The following IER2 variants were observed in gnomAD, a reference collection of about 807,000 sequenced individuals.
IER2 encodes the protein immediate early response gene 2 protein.
For missense variants in IER2, 372 were observed against 325.4 expected (o/e 1.14, Z -1.10); for synonymous variants, 198 against 149.6 (o/e 1.32, Z -2.36).
chr19:13,152,323 G>C (rs1384680420), intron 1 of IER2: 1 of 152,280 alleles, frequency 6.6e-6, no homozygotes, highest in African/African-American at 2.4e-5. Context: ...CGGGGGAATG[G>C]CTTGGTACGA....
At position 13,153,553 on chromosome 19, in the gene IER2, C is replaced by CGCA; in HGVS notation, c.376_378dup (p.Ser126dup). The CGCA allele has an allele frequency of 1.3e-6, 2 of 1,593,574 alleles. No individual in the cohort carries two copies. The highest frequency in any genetic ancestry group is 1.1e-5 in the South Asian group (1 of 88,854). On this transcript the variant is annotated inframe_insertion, in exon 2 of 2. Transcript: ENST00000292433. ...CCCCGCCAAAGTCAGCCGCAAACGA[C>CGCA]GCAGCAGCAGCCTGAGCGACGGCGG...
Position 13,153,787 on chromosome 19 carries a change from G to A in IER2, c.601G>A (p.Glu201Lys). The part of the protein sequence containing the change: ...AAPPTAPPAC[E>K]AKPACRPADS... ...CCCTCCGACGGCGCCGCCCGCGTGCGAGGCAAAGCCCGCTTGCCGCCCGGC... is the reference window on the plus strand; with the variant it reads ...CCCTCCGACGGCGCCGCCCGCGTGCAAGGCAAAGCCCGCTTGCCGCCCGGC... The change falls in exon 2 of 2, where the codon GAG becomes AAG. Residue 201 changes from glutamate (E) to lysine (K), a missense_variant. Transcript: ENST00000292433. 6.5e-7 allele frequency: 1 copy of A among 1,541,032 alleles called. No individual in the cohort carries two copies. The highest frequency in any genetic ancestry group is 1.4e-5 in the African/African-American group (1 of 71,698).
chr19:13,153,167 G>A lies in IER2; in HGVS notation c.-20G>A, dbSNP rs1249102988. On this transcript the variant is annotated 5_prime_UTR_variant, in exon 2 of 2. Coordinates refer to ENST00000292433, the MANE Select transcript of IER2 (RefSeq NM_004907.3). ...TCTGTCCCTCCCGGGAGCCCCCGCC[G>A]CTGTCGCCGTCGAGTCGCCATGGAA... is the stretch of plus-strand genomic sequence containing the variant. 4.0e-6 allele frequency: 6 copies of A among 1,490,270 alleles called. No homozygotes were observed. Among genetic ancestry groups the A allele is most frequent in the Non-Finnish European group, 5.4e-6 (6 of 1,120,720 alleles). The allele number at this position is 1,490,270 out of a possible 1,614,324, so 92.3% of individuals were successfully genotyped here.
At position 13,153,159 on chromosome 19, in the gene IER2, C is replaced by A; in HGVS notation, c.-28C>A. The A allele has an allele frequency of 2.0e-6, 3 of 1,481,194 alleles. No individual in the cohort carries two copies. Among genetic ancestry groups the A allele is most frequent in the Non-Finnish European group, 2.7e-6 (3 of 1,114,852 alleles). 91.8% of individuals were successfully genotyped at this position (1,481,194 alleles called of 1,614,324 possible). A position where few individuals can be genotyped will look rare whatever the true frequency, so the allele number is the denominator to read the frequency against. On this transcript the variant is annotated 5_prime_UTR_variant, in exon 2 of 2. Coordinates refer to ENST00000292433, the MANE Select transcript of IER2 (RefSeq NM_004907.3). Reference sequence around the variant, plus strand: ...CTGCCTGTTCTGTCCCTCCCGGGAGCCCCCGCCGCTGTCGCCGTCGAGTCG... The same window carrying A: ...CTGCCTGTTCTGTCCCTCCCGGGAGACCCCGCCGCTGTCGCCGTCGAGTCG...
chr19:13,154,270 G>A lies in IER2; in HGVS notation c.*412G>A, dbSNP rs1177640101. 1 of 189,008 alleles carries A rather than the reference G, an allele frequency of 5.3e-6. No homozygotes were observed. Among genetic ancestry groups the A allele is most frequent in the East Asian group, 1.5e-4 (1 of 6,570 alleles). 11.7% of individuals were successfully genotyped at this position (189,008 alleles called of 1,614,324 possible). On this transcript the variant is annotated 3_prime_UTR_variant, in exon 2 of 2. Coordinates refer to ENST00000292433, the MANE Select transcript of IER2 (RefSeq NM_004907.3). Reference sequence around the variant, plus strand: ...TTCATTTTGTACTGTGGGCTGTGCTGGCCCTTTCAAGGTTTTTCAAGAGTT... The same window carrying A: ...TTCATTTTGTACTGTGGGCTGTGCTAGCCCTTTCAAGGTTTTTCAAGAGTT...
intron 1 of IER2, chr19:13,152,229 T>C (rs1240169942): frequency 6.6e-6 from 1 of 152,178 alleles, no homozygotes; most frequent in East Asian, 1.9e-4. Flanking sequence ...GGCAGCCACG[T>C]GTTCACGGGG....
chr19:13,151,735 T>G (rs1182354671), intron 1 of IER2, among the ~76,000 whole-genome samples: 2 of 152,098 alleles, frequency 1.3e-5, no homozygotes, highest in South Asian at 2.1e-4. Context: ...GGCTCCAGCC[T>G]GCTCCGGCTG....
Position 13,153,685 on chromosome 19 carries a change from G to A in IER2, c.499G>A (p.Ala167Thr), listed in dbSNP as rs1188514493. Residue 167 changes from alanine to threonine, a missense_variant, in exon 2 of 2, where the codon GCG (alanine) becomes ACG (threonine). Ala to Thr is a moderately conservative substitution (Grantham distance 58). Coordinates refer to ENST00000292433, the MANE Select transcript of IER2 (RefSeq NM_004907.3). ...ADRLQPPPAQ[A>T]EGAFPNLARV... ...TCGCCTGCAGCCCCCTCCGGCGCAA[G>A]CGGAGGGCGCCTTTCCCAACCTGGC... 1 of 1,612,072 alleles carries A rather than the reference G, an allele frequency of 6.2e-7. No homozygotes were observed. The highest frequency in any genetic ancestry group is 8.5e-7 in the Non-Finnish European group (1 of 1,179,760).
chr19:13,153,594 C>G lies in IER2; in HGVS notation c.408C>G (p.Val136=), dbSNP rs889296237. Residue 136 remains valine (V), a synonymous_variant, in exon 2 of 2, where the codon GTC becomes GTG. Coordinates refer to ENST00000292433, the MANE Select transcript of IER2 (RefSeq NM_004907.3). The stretch of plus-strand genomic sequence containing the variant: ...GCGACGGCGGGGACGCTGGACTGGT[C>G]CCGAGCAAGAAAGCCCGTCTGGAAG... The part of the protein sequence containing the change: ...SLSDGGDAGL[V]PSKKARLEEK... 7.5e-6 allele frequency: 12 copies of G among 1,607,356 alleles called. No individual in the cohort carries two copies. Among genetic ancestry groups the G allele is most frequent in the Non-Finnish European group, 1.0e-5 (12 of 1,177,232 alleles).
At position 13,153,371 on chromosome 19, in the gene IER2, C is replaced by A; in HGVS notation, c.185C>A (p.Pro62Gln). 1 of 1,589,810 alleles carries A rather than the reference C, an allele frequency of 6.3e-7. No individual in the cohort carries two copies. The highest frequency in any genetic ancestry group is 8.5e-7 in the Non-Finnish European group (1 of 1,169,964). Reference protein sequence around the residue: ...VEALEPEVSLPAALPSDPRLH... With the variant: ...VEALEPEVSLQAALPSDPRLH... ...GCCCTCGAGCCCGAGGTGTCGTTGC[C>A]GGCCGCCCTCCCCTCTGACCCTCGC... Residue 62 changes from proline (P) to glutamine (Q), a missense_variant, in exon 2 of 2, where the codon CCG becomes CAG. By Grantham distance (76) the Pro-to-Gln change is moderately conservative. Coordinates refer to ENST00000292433, the MANE Select transcript of IER2 (RefSeq NM_004907.3).
intron 1 of IER2, chr19:13,152,284 A>C (rs529213121): frequency 1.3e-5 from 2 of 152,182 alleles, no homozygotes; most frequent in African/African-American, 4.8e-5. Flanking sequence ...CTCTGAACCC[A>C]CCCGTGGAGC....
chr19:13,153,895 G>A lies in IER2; in HGVS notation c.*37G>A, dbSNP rs1248525587. On this transcript the variant is annotated 3_prime_UTR_variant, in exon 2 of 2. Transcript: ENST00000292433. ...GGCGCTGCCGGAGCCCAGAGCGCGC[G>A]TCGAACCGTCGGCCCGAGGGCGCAG... The A allele has an allele frequency of 1.4e-6, 2 of 1,394,120 alleles. No homozygotes were observed. Among genetic ancestry groups the A allele is most frequent in the African/African-American group, 1.5e-5 (1 of 65,076 alleles). 86.4% of individuals were successfully genotyped at this position (1,394,120 alleles called of 1,614,324 possible).
rs761093949 is a variant in IER2, at chr19:13,153,454, C to T, written c.268C>T (p.His90Tyr). Residue 90 changes from histidine (H) to tyrosine (Y), a missense_variant, in exon 2 of 2, where the codon CAC becomes TAC. Coordinates refer to ENST00000292433, the MANE Select transcript of IER2 (RefSeq NM_004907.3). Reference protein sequence around the residue: ...TAETATPDGEHPFPEPMDTQE... With the variant: ...TAETATPDGEYPFPEPMDTQE... Reference sequence around the variant, plus strand: ...CGAGACAGCGACCCCCGACGGTGAGCACCCGTTTCCGGAGCCAATGGACAC... The same window carrying T: ...CGAGACAGCGACCCCCGACGGTGAGTACCCGTTTCCGGAGCCAATGGACAC... 59 of 1,595,378 alleles carry T rather than the reference C, an allele frequency of 3.7e-5. No individual in the cohort carries two copies. The Admixed American group carries it at 5.3e-4, about 14-fold the overall frequency.
rs2020085002 is a variant in IER2, at chr19:13,153,109, G to A, written c.-78G>A. 8.9e-7 allele frequency: 1 copy of A among 1,121,664 alleles called. No individual in the cohort carries two copies. The highest frequency in any genetic ancestry group is 1.2e-6 in the Non-Finnish European group (1 of 812,808). The allele number at this position is 1,121,664 out of a possible 1,614,324, so 69.5% of individuals were successfully genotyped here. A position where few individuals can be genotyped will look rare whatever the true frequency, so the allele number is the denominator to read the frequency against. ...TTGGTTTGTGTAGAGAGGCGTGAGC[G>A]AGCCCGTTGTCCGGAGTGCACCTGC... On this transcript the variant is annotated 5_prime_UTR_variant, in exon 2 of 2. Coordinates refer to ENST00000292433, the MANE Select transcript of IER2 (RefSeq NM_004907.3).
rs1250283456 is a variant in IER2 at position 13,153,480 on chromosome 19, G to T, written c.294G>T (p.Thr98=). 12 of 1,589,986 alleles carry T rather than the reference G, an allele frequency of 7.5e-6. No individual in the cohort carries two copies. The East Asian group carries it at 2.8e-4, about 37-fold the overall frequency. The part of the protein sequence containing the change: ...GEHPFPEPMD[T]QEAPTAEETS... ...ACCCGTTTCCGGAGCCAATGGACAC[G>T]CAGGAGGCGCCGACAGCCGAGGAGA... Residue 98 remains threonine, a synonymous_variant, in exon 2 of 2, where the codon ACG becomes ACT. Transcript: ENST00000292433.
In IER2 at chr19:13,150,820, T is replaced by TTGGG. The variant is rs1212337437; in HGVS notation, c.-244+269_-244+272dup. Among the ~76,000 whole-genome samples the TTGGG allele has an allele frequency of 6.6e-6, 1 of 151,718 alleles. No homozygotes were observed. The highest frequency in any genetic ancestry group is 1.5e-5 in the Non-Finnish European group (1 of 67,898). ...ATCTCTTTCCTGAGAAGTGGCGGAGTTGGGGGCACTTCGAGGTCGCCTTGG... is the reference window on the plus strand; with the variant it reads ...ATCTCTTTCCTGAGAAGTGGCGGAGTTGGGTGGGGGCACTTCGAGGTCGCCTTGG... On this transcript the variant is annotated intron_variant, in intron 1 of 1. Transcript: ENST00000292433. This position sits in a 1 kb window ranked among gnomAD's most constrained non-coding sequence, Gnocchi z 4.0.
chr19:13,153,085 T>C lies in IER2; in HGVS notation c.-102T>C. ...GTCCTAGCAGTGTCACTGCGTGGGT[T>C]GGTTTGTGTAGAGAGGCGTGAGCGA... On this transcript the variant is annotated 5_prime_UTR_variant, in exon 2 of 2. Transcript: ENST00000292433. 1 of 816,912 alleles carries C rather than the reference T, an allele frequency of 1.2e-6. No individual in the cohort carries two copies. Among genetic ancestry groups the C allele is most frequent in the Non-Finnish European group, 1.8e-6 (1 of 551,008 alleles). 50.6% of individuals were successfully genotyped at this position (816,912 alleles called of 1,614,324 possible).
In IER2 at chr19:13,153,694, G is replaced by A. The variant is rs999358677; in HGVS notation, c.508G>A (p.Ala170Thr). 1.9e-6 allele frequency: 3 copies of A among 1,611,332 alleles called. No individual in the cohort carries two copies. The highest frequency in any genetic ancestry group is 2.5e-6 in the Non-Finnish European group (3 of 1,179,740). ...LQPPPAQAEG[A>T]FPNLARVLQR... ...GCCCCCTCCGGCGCAAGCGGAGGGCGCCTTTCCCAACCTGGCCCGCGTCCT... is the reference window on the plus strand; with the variant it reads ...GCCCCCTCCGGCGCAAGCGGAGGGCACCTTTCCCAACCTGGCCCGCGTCCT... The change falls in exon 2 of 2, where the codon GCC (alanine) becomes ACC (threonine). Residue 170 changes from alanine to threonine, a missense_variant. Ala to Thr is a moderately conservative substitution (Grantham distance 58, BLOSUM62 0). Coordinates refer to ENST00000292433, the MANE Select transcript of IER2 (RefSeq NM_004907.3).
At position 13,154,185 on chromosome 19, in the gene IER2, G is replaced by GGTGTT. The variant is rs1156454748; in HGVS notation, c.*333_*337dup. On this transcript the variant is annotated 3_prime_UTR_variant, in exon 2 of 2. Coordinates refer to ENST00000292433, the MANE Select transcript of IER2 (RefSeq NM_004907.3). Reference sequence around the variant, plus strand: ...TCTGGACTGGGAGAAGGGAGGCTTGGGTGTTGTGTTTTTTGTTTTGTTTGT... The same window carrying GGTGTT: ...TCTGGACTGGGAGAAGGGAGGCTTGGGTGTTGTGTTGTGTTTTTTGTTTTGTTTGT... The GGTGTT allele has an allele frequency of 3.6e-4, 131 of 366,318 alleles. 2 individuals are homozygous for GGTGTT. In the East Asian group the frequency reaches 6.1e-3, roughly 17 times the overall value. The allele number at this position is 366,318 out of a possible 1,614,324, so 22.7% of individuals were successfully genotyped here.
Sources: allele counts gnomAD v4.1 joint callset (sites outside exome capture counted in the v4.1 genomes callset), GRCh38; gene constraint gnomAD v4.1.1; non-coding constraint Gnocchi (gnomAD v3.1); transcripts MANE v1.5; gene names NCBI Gene and HGNC (gene_info 2026-07-23, HGNC 2026-07-21).